The following CPA6 variants were observed in gnomAD, a reference collection of about 807,000 sequenced individuals.
CPA6 encodes carboxypeptidase B.
Under a neutral mutation model 63.3 loss-of-function variants are expected in CPA6, and 58 were observed. The ratio of observed to expected loss-of-function variants is 0.92; its 90% CI spans 0.74 to 1.14. CPA6 has a LOEUF of 1.14. CPA6 is among the 50% of genes most tolerant of loss of function. The pLI is 0.00. For missense variants in CPA6, 565 were observed against 526.6 expected, an observed-to-expected ratio of 1.07 and a Z score of -0.71; for synonymous variants, 185 against 179.0, an observed-to-expected ratio of 1.03 and a Z score of -0.27.
chr8:67,486,303 T>C (rs1811475012), intron 6 of CPA6, among the ~76,000 whole-genome samples: 1 of 152,254 alleles, frequency 6.6e-6, no homozygotes, highest in Non-Finnish European at 1.5e-5. Flanking sequence ...TATGCCACTG[T>C]GGTTCCACAA....
intron 8 of CPA6, among the ~76,000 whole-genome samples, chr8:67,482,619 G>A (rs954647858): frequency 2.0e-5 from 3 of 152,180 alleles, no homozygotes; most frequent in Non-Finnish European, 2.9e-5. Context: ...TGTTCTGGGG[G>A]TCAGGGAACA....
At chr8:67,702,013 C>T (rs1017965150) in intron 1 of CPA6, among the ~76,000 whole-genome samples, 3 of 152,078 alleles carry the variant, frequency 2.0e-5, no homozygotes, top group African/African-American at 4.8e-5. Flanking sequence ...GGCTCTCCTA[C>T]TCTCAAGTGT....
chr8:67,721,086 C>G (rs1461916632), intron 1 of CPA6, among the ~76,000 whole-genome samples: 1 of 152,208 alleles, frequency 6.6e-6, no homozygotes, highest in Non-Finnish European at 1.5e-5. Context: ...TAAATCAAAG[C>G]AGGCTGGCAA....
chr8:67,570,044 A>G (rs567332435), intron 2 of CPA6: 1 of 152,864 alleles, frequency 6.5e-6, no homozygotes, highest in Non-Finnish European at 1.5e-5. Context: ...AACAACAGTA[A>G]TGATATTGTT....
intron 1 of CPA6, among the ~76,000 whole-genome samples, chr8:67,709,979 G>C (rs754010333): frequency 6.6e-6 from 1 of 152,092 alleles, no homozygotes; most frequent in Non-Finnish European, 1.5e-5. Flanking sequence ...TGGGCATGGT[G>C]GTGCGTGCCT....
chr8:67,567,323 C>A (rs561764845), intron 2 of CPA6, among the ~76,000 whole-genome samples: 1 of 152,282 alleles, frequency 6.6e-6, no homozygotes, highest in African/African-American at 2.4e-5. Context: ...AAATTTAACA[C>A]AGGCACAAAA....
At chr8:67,647,160 G>A (rs1305523319) in intron 1 of CPA6, among the ~76,000 whole-genome samples, 1 of 152,046 alleles carries the variant, frequency 6.6e-6, no homozygotes. Context: ...AGAACCAACA[G>A]GGTCCACTGC....
intron 1 of CPA6, among the ~76,000 whole-genome samples, chr8:67,671,567 TG>T (rs1171522781): frequency 6.6e-6 from 1 of 152,226 alleles, no homozygotes; most frequent in African/African-American, 2.4e-5. Context: ...TATACCTGTG[TG>T]CCCAGCTCTG....
chr8:67,624,904 C>T (rs142445473), intron 1 of CPA6, among the ~76,000 whole-genome samples: 39 of 152,238 alleles, frequency 2.6e-4, no homozygotes, highest in African/African-American at 8.9e-4. Flanking sequence ...GGTCTAGGTC[C>T]TGCTGCTTTC....
intron 1 of CPA6, among the ~76,000 whole-genome samples, chr8:67,658,575 C>G (rs899100151): frequency 2.6e-5 from 4 of 152,096 alleles, no homozygotes; most frequent in African/African-American, 9.7e-5. Context: ...GTTGATAACA[C>G]CCCATCATTT....
intron 1 of CPA6, among the ~76,000 whole-genome samples, chr8:67,730,349 AG>A (rs1386965802): frequency 2.6e-5 from 4 of 152,234 alleles, no homozygotes; most frequent in African/African-American, 4.8e-5. Context: ...GCATAGGGCA[AG>A]GTATGTAGGA....
intron 1 of CPA6, chr8:67,732,482 A>G (rs1817724205): frequency 6.6e-6 from 1 of 152,182 alleles, no homozygotes; most frequent in Non-Finnish European, 1.5e-5. Context: ...CTGTAAGAAT[A>G]TAGATAAGAA....
intron 1 of CPA6, among the ~76,000 whole-genome samples, chr8:67,741,938 G>T (rs1026339342): frequency 9.2e-5 from 14 of 152,156 alleles, no homozygotes; most frequent in African/African-American, 3.1e-4. Context: ...TTGCCAAAAA[G>T]GTTGGGGACC....
In CPA6 at chr8:67,720,619, G is replaced by A. The variant is rs957020295; in HGVS notation, c.116+25395C>T. ...GGAGAAGTGGTCAGAAAACTGCGAG[G>A]GCCACATTTATTTACATTAGTCCAC... On this transcript the variant is annotated intron_variant, in intron 1 of 10. Coordinates refer to ENST00000297770, the MANE Select transcript of CPA6 (RefSeq NM_020361.5). 5.3e-5 allele frequency among the ~76,000 whole-genome samples: 8 copies of A among 152,230 alleles called. No homozygotes were observed. The East Asian group carries it at 1.3e-3, about 26-fold the overall frequency.
intron 2 of CPA6, among the ~76,000 whole-genome samples, chr8:67,610,722 T>C (rs1814783805): frequency 6.6e-6 from 1 of 152,192 alleles, no homozygotes; most frequent in African/African-American, 2.4e-5. Context: ...ACATGTCCAG[T>C]GTCCTTTCTC....
chr8:67,700,627 G>A (rs950582637), intron 1 of CPA6, among the ~76,000 whole-genome samples: 3 of 152,176 alleles, frequency 2.0e-5, no homozygotes, highest in African/African-American at 7.2e-5. Flanking sequence ...TTTGTAGCAT[G>A]GGTGATCTGT....
intron 8 of CPA6, among the ~76,000 whole-genome samples, chr8:67,450,962 A>G (rs2128955710): frequency 6.6e-6 from 1 of 152,298 alleles, no homozygotes. Context: ...GTTGCACTGA[A>G]GCTATTTATT....
chr8:67,444,771 CAAAA>C (rs200276914), intron 8 of CPA6, among the ~76,000 whole-genome samples: 1 of 94,304 alleles, frequency 1.1e-5, no homozygotes, highest in Admixed American at 1.1e-4. Context: ...GACTCTGTCT[CAAAA>C]AAAAAAAAAA....
chr8:67,693,372 T>C (rs1816851231), intron 1 of CPA6, among the ~76,000 whole-genome samples: 1 of 152,210 alleles, frequency 6.6e-6, no homozygotes, highest in Non-Finnish European at 1.5e-5. Context: ...ATGTGGAACA[T>C]ACTCGGGTTG....
Sources: allele counts gnomAD v4.1 joint callset (sites outside exome capture counted in the v4.1 genomes callset), GRCh38; gene constraint gnomAD v4.1.1; transcripts MANE v1.5; gene names NCBI Gene and HGNC (gene_info 2026-07-23, HGNC 2026-07-21).